DPP10: variants seen among roughly 807,000 people sequenced by gnomAD.
The protein encoded by DPP10 is inactive dipeptidyl peptidase 10.
DPP10 carries 33 observed loss-of-function variants against 120.9 expected under a neutral mutation model. The ratio of observed to expected loss-of-function variants is 0.27; its 90% confidence interval spans 0.21 to 0.37. The LOEUF is 0.37. Among genes scored for constraint, DPP10 ranks in the 10% least tolerant of loss-of-function variants. The probability of loss-of-function intolerance (pLI) is 1.00; values close to 1 mark genes in which losing one functional copy is unlikely to be tolerated. For synonymous variants in DPP10, 337 were observed against 326.1 expected, an observed-to-expected ratio of 1.03 and a Z score of -0.36; for missense variants, 816 against 942.8, an observed-to-expected ratio of 0.87 and a Z score of 1.76.
At chr2:114,668,923 G>A (rs6745831) in intron 1 of DPP10, among the ~76,000 whole-genome samples, 12,294 of 151,720 alleles carry the variant, frequency 0.081, 1,725 homozygotes, top group African/African-American at 0.28. Flanking sequence ...ATGTTCTCTC[G>A]TAAATGTCGT....
chr2:115,092,268 A>G (rs1709327418), intron 1 of DPP10, among the ~76,000 whole-genome samples: 1 of 151,986 alleles, frequency 6.6e-6, no homozygotes, highest in Non-Finnish European at 1.5e-5. Flanking sequence ...GTCCATTATC[A>G]CCTCATTAAT....
intron 1 of DPP10, among the ~76,000 whole-genome samples, chr2:115,019,776 T>C (rs531820461): frequency 6.6e-6 from 1 of 152,308 alleles, no homozygotes; most frequent in East Asian, 1.9e-4. Flanking sequence ...AAGCATCAGG[T>C]AACCTATAAA....
intron 7 of DPP10, among the ~76,000 whole-genome samples, chr2:115,718,524 T>G (rs2092563123): frequency 6.6e-6 from 1 of 152,312 alleles, no homozygotes; most frequent in Admixed American, 6.5e-5. Flanking sequence ...ATTTTTTTCT[T>G]TACTAAAAAT....
At chr2:114,941,259 CTTG>C (rs984534087) in intron 1 of DPP10, among the ~76,000 whole-genome samples, 1 of 152,144 alleles carries the variant, frequency 6.6e-6, no homozygotes, top group Non-Finnish European at 1.5e-5. Context: ...AGGTACCAAT[CTTG>C]TTGTCAAATG....
At chr2:115,002,807 T>C (rs1701533232) in intron 1 of DPP10, among the ~76,000 whole-genome samples, 1 of 151,950 alleles carries the variant, frequency 6.6e-6, no homozygotes, top group African/African-American at 2.4e-5. Flanking sequence ...AATACGACAA[T>C]GAGATACCAT....
intron 1 of DPP10, among the ~76,000 whole-genome samples, chr2:115,168,648 C>G (rs1158517602): frequency 2.0e-5 from 3 of 152,126 alleles, no homozygotes; most frequent in African/African-American, 7.2e-5. Context: ...CACTTACCTT[C>G]TTTCTACACG....
intron 1 of DPP10, among the ~76,000 whole-genome samples, chr2:114,917,015 G>A (rs1215727063): frequency 6.6e-6 from 1 of 152,190 alleles, no homozygotes; most frequent in Non-Finnish European, 1.5e-5. Context: ...AATAGGAAGA[G>A]ACGAAGTCAA....
chr2:115,263,558 T>G (rs2059339094), intron 1 of DPP10, among the ~76,000 whole-genome samples: 1 of 152,196 alleles, frequency 6.6e-6, no homozygotes, highest in Non-Finnish European at 1.5e-5. Flanking sequence ...TCTTAGTTAA[T>G]TATGGTCCTC....
intron 1 of DPP10, among the ~76,000 whole-genome samples, chr2:114,497,307 A>T (rs1682701317): frequency 1.7e-5 from 1 of 58,434 alleles, no homozygotes; most frequent in South Asian, 3.6e-4. Context: ...GTATACGTGT[A>T]TACATGTACA....
At chr2:114,747,961 C>A (rs190391370) in intron 1 of DPP10, among the ~76,000 whole-genome samples, 11 of 152,100 alleles carry the variant, frequency 7.2e-5, no homozygotes, top group Admixed American at 2.6e-4. Flanking sequence ...GGTTACTGGC[C>A]CCCCATGAAA....
chr2:114,789,363 T>C (rs1425714519), intron 1 of DPP10, among the ~76,000 whole-genome samples: 6 of 152,202 alleles, frequency 3.9e-5, no homozygotes, highest in Non-Finnish European at 8.8e-5. Flanking sequence ...GAGAAAACGC[T>C]GGCATGTTGG....
rs59203543 is a variant in DPP10, at chr2:114,987,804, C to CTTTTTTTTTT, written c.61-321432_61-321423dup. 7.9e-3 allele frequency among the ~76,000 whole-genome samples: 795 copies of CTTTTTTTTTT among 100,988 alleles called. 44 individuals are homozygous for CTTTTTTTTTT. The highest frequency in any genetic ancestry group is 0.028 in the African/African-American group (735 of 25,814). 66.3% of individuals were successfully genotyped at this position (100,988 alleles called of 152,430 possible). A position where few individuals can be genotyped will look rare whatever the true frequency, so the allele number is the denominator to read the frequency against. ...TATACTCCTTGAGTGTGGAGACTGT[C>CTTTTTTTTTT]TTTTTTTTTTTTATTTTGAGATGGA... On this transcript the variant is annotated intron_variant, in intron 1 of 25. Transcript: ENST00000410059.
chr2:115,435,254 C>G (rs2071387952), intron 3 of DPP10, among the ~76,000 whole-genome samples: 1 of 151,664 alleles, frequency 6.6e-6, no homozygotes, highest in Non-Finnish European at 1.5e-5. Flanking sequence ...GGGGAAGGAA[C>G]ACTATATTGC....
intron 1 of DPP10, among the ~76,000 whole-genome samples, chr2:115,233,375 T>C (rs144847132): frequency 3.0e-4 from 45 of 152,242 alleles, no homozygotes; most frequent in African/African-American, 9.9e-4. Flanking sequence ...AAAAGTCTTA[T>C]CTAGTTTTTT....
chr2:114,658,006 T>C (rs1697090479), intron 1 of DPP10, among the ~76,000 whole-genome samples: 1 of 152,074 alleles, frequency 6.6e-6, no homozygotes, highest in African/African-American at 2.4e-5. Flanking sequence ...ATTTTTAAAG[T>C]GTTGTGTGAT....
chr2:114,704,164 G>A (rs1394592543), intron 1 of DPP10, among the ~76,000 whole-genome samples: 2 of 152,146 alleles, frequency 1.3e-5, no homozygotes, highest in East Asian at 3.9e-4. Context: ...GCCCATAAAT[G>A]CAATCTAGAT....
intron 1 of DPP10, among the ~76,000 whole-genome samples, chr2:114,557,606 T>C (rs1295369887): frequency 6.6e-6 from 1 of 152,178 alleles, no homozygotes; most frequent in Non-Finnish European, 1.5e-5. Flanking sequence ...ATTTGTGTCA[T>C]GTGCTTTTGC....
intron 2 of DPP10, among the ~76,000 whole-genome samples, chr2:115,338,322 A>G (rs1228528217): frequency 6.6e-6 from 1 of 152,196 alleles, no homozygotes; most frequent in Non-Finnish European, 1.5e-5. Flanking sequence ...TAATTTTTAT[A>G]TCAATGTGTT....
chr2:114,657,987 A>G (rs1242638067), intron 1 of DPP10, among the ~76,000 whole-genome samples: 1 of 152,186 alleles, frequency 6.6e-6, no homozygotes, highest in East Asian at 1.9e-4. Flanking sequence ...TAAATAATCT[A>G]AATGGGGCAT....
Sources: gnomAD v4.1 joint callset for allele counts (sites outside exome capture counted in the v4.1 genomes callset) on GRCh38, gnomAD v4.1.1 for gene constraint, MANE v1.5 for transcripts, NCBI Gene and HGNC (gene_info 2026-07-23, HGNC 2026-07-21) for gene names.